The following TSC2 variants were observed in gnomAD, a reference collection of about 807,000 sequenced individuals.
TSC2 encodes the protein tuberin.
In TSC2, 29 loss-of-function variants were observed where a neutral mutation model predicts 202.2. The ratio of observed to expected loss-of-function variants is 0.14; its 90% CI spans 0.11 to 0.20. The LOEUF is 0.20. Ranked by LOEUF, TSC2 falls within the 10% of genes least tolerant of loss-of-function variation. The probability of loss-of-function intolerance (pLI) is 1.00; values close to 1 mark genes in which losing one functional copy is unlikely to be tolerated. For synonymous variants in TSC2, 1,349 were observed against 1,044.0 expected (o/e 1.29, Z -5.63); for missense variants, 2,429 against 2,420.0 (o/e 1.00, Z -0.08).
At chr16:2,063,165 C>G (rs1175463787) in intron 14 of TSC2, 112 bp downstream of exon 14, 18 of 1,285,258 alleles carry the variant, frequency 1.4e-5, no homozygotes, top group Non-Finnish European at 1.6e-5. Flanking sequence ...GACTTCGGTC[C>G]TGCCGGACCC....
At chr16:2,057,389 C>G (rs1344250653) in intron 9 of TSC2, among the ~76,000 whole-genome samples, 1 of 152,212 alleles carries the variant, frequency 6.6e-6, no homozygotes, top group Non-Finnish European at 1.5e-5. Context: ...TATCCACACC[C>G]AGCTCAGTGC....
chr16:2,077,833 C>T (rs2089619339), intron 26 of TSC2, 107 bp downstream of exon 26: 5 of 1,567,440 alleles, frequency 3.2e-6, no homozygotes, highest in Non-Finnish European at 4.3e-6. Flanking sequence ...CTGCCCGTGT[C>T]CTCCCTGGCC....
intron 17 of TSC2, among the ~76,000 whole-genome samples, chr16:2,071,108 T>C (rs1177565319): frequency 6.6e-6 from 1 of 152,106 alleles, no homozygotes; most frequent in Non-Finnish European, 1.5e-5. Context: ...GAGCAGGTGC[T>C]CTCTGGGGCC....
rs985842318 is a variant in TSC2, at chr16:2,081,408, C to G, written c.3611-187C>G. On this transcript the variant is annotated intron_variant, in intron 30 of 41. Coordinates refer to ENST00000219476, the MANE Select transcript of TSC2 (RefSeq NM_000548.5). ...TGCCTGGCGGAGCCTGGCCTCGAGGCAGGGGCTGAGCGGGGCAGCAGGGTG... is the reference window on the plus strand; with the variant it reads ...TGCCTGGCGGAGCCTGGCCTCGAGGGAGGGGCTGAGCGGGGCAGCAGGGTG... 60 of 750,636 alleles carry G rather than the reference C, an allele frequency of 8.0e-5. No individual in the cohort carries two copies. The African/African-American group carries it at 9.7e-4, about 12-fold the overall frequency. The allele number at this position is 750,636 out of a possible 1,614,324, so 46.5% of individuals were successfully genotyped here. A position where few individuals can be genotyped will look rare whatever the true frequency, so the allele number is the denominator to read the frequency against.
rs1324709579 is a variant in TSC2 at position 2,089,011 on chromosome 16, AGGCCTGGGCGCTGCTCTCTTGCTACCT to A, written c.*410_*436del. The A allele has an allele frequency of 1.3e-5, 3 of 227,110 alleles. No homozygotes were observed. Among genetic ancestry groups the A allele is most frequent in the Non-Finnish European group, 2.7e-5 (3 of 113,206 alleles). 14.1% of individuals were successfully genotyped at this position (227,110 alleles called of 1,614,324 possible). A position where few individuals can be genotyped will look rare whatever the true frequency, so the allele number is the denominator to read the frequency against. ...CTACTTGCCCAGACCTGATGCCAGC[AGGCCTGGGCGCTGCTCTCTTGCTACCT>A]GGCCTGGGGCAAGGGAGGATGACAA... On this transcript the variant is annotated 3_prime_UTR_variant, in exon 42 of 42. Transcript: ENST00000219476.
At chr16:2,071,303 CAAGG>C in intron 17 of TSC2, 2 of 630,566 alleles carry the variant, frequency 3.2e-6, no homozygotes, top group Non-Finnish European at 5.8e-6. Flanking sequence ...AGCTCCGAGG[CAAGG>C]GAGGGAGGAG....
chr16:2,071,308 G>A (rs2151293251), intron 17 of TSC2: 5 of 637,732 alleles, frequency 7.8e-6, no homozygotes, highest in South Asian at 7.0e-5. Flanking sequence ...CGAGGCAAGG[G>A]AGGGAGGAGG....
intron 9 of TSC2, among the ~76,000 whole-genome samples, chr16:2,057,992 C>G (rs2086096041): frequency 8.6e-6 from 1 of 116,550 alleles, no homozygotes; most frequent in Non-Finnish European, 1.8e-5. Flanking sequence ...CTGCATCTCT[C>G]CCAGCCCTGC....
intron 14 of TSC2, chr16:2,063,514 T>G (rs544545764): frequency 4.3e-5 from 12 of 276,902 alleles, no homozygotes; most frequent in Non-Finnish European, 7.8e-5. Context: ...CCACCTTCCT[T>G]GAGAGACATT....
chr16:2,080,814 T>G, intron 30 of TSC2: 1 of 201,078 alleles, frequency 5.0e-6, no homozygotes, highest in Non-Finnish European at 1.0e-5. Flanking sequence ...TCTCCAGAGG[T>G]GAGCTGTGAG....
intron 38 of TSC2, 33 bp from the exon 39 acceptor site, chr16:2,087,830 G>A (rs1432068250): frequency 1.2e-6 from 2 of 1,610,746 alleles, no homozygotes; most frequent in South Asian, 1.1e-5. Context: ...CACACGCTGT[G>A]TGCGGGGATG....
rs2151589643 is a variant in TSC2, at chr16:2,086,868, C to G, written c.4986C>G (p.Ile1662Met). The G allele has an allele frequency of 6.3e-7, 1 of 1,587,544 alleles. No homozygotes were observed. The highest frequency in any genetic ancestry group is 8.6e-7 in the Non-Finnish European group (1 of 1,168,130). ...GTGAGGACTTCAAGCTTGGCACCAT[C>G]AAGGTGAGTGAGGGGCCGTCAGTGA... Reference protein sequence around the residue: ...DSGEDFKLGTIKGQFNFVHVI... With the variant: ...DSGEDFKLGTMKGQFNFVHVI... Residue 1662 changes from isoleucine to methionine, a missense_variant, in exon 38 of 42, where the codon ATC (isoleucine) becomes ATG (methionine). Ile to Met is a conservative substitution (Grantham distance 10). Coordinates refer to ENST00000219476, the MANE Select transcript of TSC2 (RefSeq NM_000548.5).
chr16:2,079,199 C>G lies in TSC2; in HGVS notation c.3131+3C>G, dbSNP rs1420280878. 1 of 1,612,844 alleles carries G rather than the reference C, an allele frequency of 6.2e-7. No homozygotes were observed. Among genetic ancestry groups the G allele is most frequent in the South Asian group, 1.1e-5 (1 of 91,068 alleles). ...AACTTCACGGCTGTCCCGAAGAGGT[C>G]CAGGCGGCACTACAGGGCTGGGCGG... On this transcript the variant is annotated splice_donor_region_variant and intron_variant, in intron 27 of 41. Transcript: ENST00000219476. This position sits in a 1 kb window ranked among gnomAD's most constrained non-coding sequence, Gnocchi z 4.6.
chr16:2,065,737 A>C (rs1182042700), intron 16 of TSC2, 102 bp downstream of exon 16: 6 of 1,062,014 alleles, frequency 5.6e-6, no homozygotes, highest in Non-Finnish European at 8.7e-6. Flanking sequence ...CGGGACCCAC[A>C]CCCTCCCTGG....
intron 7 of TSC2, among the ~76,000 whole-genome samples, 174 bp downstream of exon 7, chr16:2,056,418 T>C (rs771610974): frequency 3.9e-5 from 6 of 152,216 alleles, no homozygotes; most frequent in Non-Finnish European, 5.9e-5. Flanking sequence ...GGCGCCTCCA[T>C]GTGGAGATGT....
chr16:2,081,511 G>T (rs1168684005), intron 30 of TSC2, 84 bp from the exon 31 acceptor site: 52 of 1,573,282 alleles, frequency 3.3e-5, no homozygotes, highest in South Asian at 4.5e-5. Context: ...CAAAACCAGG[G>T]CCCAGGCCAG....
chr16:2,066,607 C>T (rs1000189044), intron 16 of TSC2, among the ~76,000 whole-genome samples: 1 of 151,186 alleles, frequency 6.6e-6, no homozygotes, highest in Non-Finnish European at 1.5e-5. Flanking sequence ...TGGTGCTGTG[C>T]CATTTTCCAT....
At chr16:2,085,903 G>A (rs2090722641) in intron 36 of TSC2, among the ~76,000 whole-genome samples, 1 of 152,230 alleles carries the variant, frequency 6.6e-6, no homozygotes, top group African/African-American at 2.4e-5. Flanking sequence ...GGTTCCCGTG[G>A]GAGTGGGGTA....
chr16:2,055,116 G>A, intron 5 of TSC2: 1 of 504,952 alleles, frequency 2.0e-6, no homozygotes, highest in Middle Eastern at 5.5e-4. Flanking sequence ...CCAGCCTCGG[G>A]TTGGGCCCTG....
Sources: gnomAD v4.1 joint callset for allele counts (sites outside exome capture counted in the v4.1 genomes callset) on GRCh38, gnomAD v4.1.1 for gene constraint, Gnocchi (gnomAD v3.1) non-coding constraint, MANE v1.5 for transcripts, NCBI Gene and HGNC (gene_info 2026-07-23, HGNC 2026-07-21) for gene names.